The following TNFAIP8L3 variants were observed in gnomAD, a reference collection of about 807,000 sequenced individuals.
TNFAIP8L3 encodes TNF alpha induced protein 8 like 3, also known as tumor necrosis factor alpha-induced protein 8-like protein 3.
A neutral mutation model predicts 11.8 loss-of-function variants in TNFAIP8L3; 7 were observed. That is an observed-to-expected ratio of 0.59 (90% CI 0.34 to 1.11). TNFAIP8L3 has a LOEUF of 1.11. Ranked by LOEUF, TNFAIP8L3 falls within the 50% of genes most tolerant of loss-of-function variation. The pLI is 0.03. For synonymous variants in TNFAIP8L3, 98 were observed against 103.8 expected (o/e 0.94, Z 0.34); for missense variants, 219 against 258.6 (o/e 0.85, Z 1.05).
chr15:51,069,004 T>G (rs1333931662), intron 1 of TNFAIP8L3, among the ~76,000 whole-genome samples: 1 of 151,954 alleles, frequency 6.6e-6, no homozygotes, highest in Non-Finnish European at 1.5e-5. Flanking sequence ...TATTTAAAAA[T>G]TAGGGTAGGG....
intron 1 of TNFAIP8L3, among the ~76,000 whole-genome samples, chr15:51,068,499 C>T (rs1567288403): frequency 6.6e-6 from 1 of 152,092 alleles, no homozygotes; most frequent in Admixed American, 6.6e-5. Flanking sequence ...ATAATTAGCC[C>T]ACTAGAGATC....
At chr15:51,071,032 CAG>C in intron 1 of TNFAIP8L3, among the ~76,000 whole-genome samples, 1 of 103,134 alleles carries the variant, frequency 9.7e-6, no homozygotes, top group Non-Finnish European at 1.7e-5. Context: ...GCCTGGGCGA[CAG>C]AGCGAGACTC....
In TNFAIP8L3 at chr15:51,102,363, C is replaced by G. The variant is rs117198050; in HGVS notation, c.172+2642G>C. On this transcript the variant is annotated intron_variant, in intron 1 of 2. Transcript: ENST00000327536. ...AAATTTGTTTTTTTCTTTTAATTCT[C>G]TCATGTTTATGTGACAACCCAGTTC... 4.2e-3 allele frequency among the ~76,000 whole-genome samples: 634 copies of G among 152,244 alleles called. 3 individuals carry two copies. Among genetic ancestry groups the G allele is most frequent in the Non-Finnish European group, 7.4e-3 (505 of 68,010 alleles).
At chr15:51,097,854 T>TC (rs1555469078), upstream of TNFAIP8L3, among the ~76,000 whole-genome samples, 6 of 151,166 alleles carry the variant, frequency 4.0e-5, no homozygotes, top group East Asian at 9.8e-4. Context: ...ATATTTCTTG[T>TC]GGGGGGGGAA....
chr15:51,101,546 G>A (rs781324773), intron 1 of TNFAIP8L3, among the ~76,000 whole-genome samples: 7 of 151,778 alleles, frequency 4.6e-5, no homozygotes, highest in African/African-American at 9.7e-5. Context: ...ATTTGAACCC[G>A]GGAGGTTGAG....
chr15:51,063,535 C>A (rs938330525), intron 1 of TNFAIP8L3, among the ~76,000 whole-genome samples: 1 of 152,050 alleles, frequency 6.6e-6, no homozygotes. Flanking sequence ...GAGTACCTAC[C>A]CATCTTGCCA....
Position 51,094,603 on chromosome 15 carries a change from G to A in TNFAIP8L3, c.-8C>T, listed in dbSNP as rs751389345. The A allele has an allele frequency of 1.4e-6, 2 of 1,480,372 alleles. No individual in the cohort carries two copies. Among genetic ancestry groups the A allele is most frequent in the Non-Finnish European group, 1.8e-6 (2 of 1,119,484 alleles). The allele number at this position is 1,480,372 out of a possible 1,614,324, so 91.7% of individuals were successfully genotyped here. A position where few individuals can be genotyped will look rare whatever the true frequency, so the allele number is the denominator to read the frequency against. On this transcript the variant is annotated 5_prime_UTR_variant, in exon 1 of 2. Transcript: ENST00000637513. This position sits in a 1 kb window ranked among gnomAD's most constrained non-coding sequence, Gnocchi z 4.4. ...CCCGGAATCCGAATCCATGCTGCGG[G>A]CTGCTGGCTGGGCGTCCACGGCCAC...
In TNFAIP8L3 at chr15:51,082,029, AC is replaced by A. The variant is rs201266567; in HGVS notation, c.52+12514del. Among the ~76,000 whole-genome samples, 226 of 152,046 alleles carry A rather than the reference AC, an allele frequency of 1.5e-3. 1 individual carries two copies. The highest frequency in any genetic ancestry group is 0.012 in the East Asian group (63 of 5,188). On this transcript the variant is annotated intron_variant, in intron 1 of 1. Coordinates refer to ENST00000637513, the MANE Select transcript of TNFAIP8L3 (RefSeq NM_001311175.2). ...GAACTTTCCTGCTTTCAACTTGAAA[AC>A]TAAGAAAGAGTGAATTTTTTTTTTT... is the stretch of plus-strand genomic sequence containing the variant.
At chr15:51,073,339 A>AT (rs748992106) in intron 1 of TNFAIP8L3, among the ~76,000 whole-genome samples, 47 of 152,304 alleles carry the variant, frequency 3.1e-4, no homozygotes, top group Admixed American at 7.8e-4. Context: ...CTCCATTAAC[A>AT]TGACATGTCT....
intron 1 of TNFAIP8L3, chr15:51,104,904 A>G: frequency 2.8e-6 from 4 of 1,430,548 alleles, no homozygotes; most frequent in Non-Finnish European, 3.9e-6. Flanking sequence ...CCCTCTTCAG[A>G]TGCCAGCTCT....
chr15:51,077,935 G>A, intron 1 of TNFAIP8L3, among the ~76,000 whole-genome samples: 1 of 152,272 alleles, frequency 6.6e-6, no homozygotes, highest in East Asian at 1.9e-4. Context: ...ACCTTTCAAT[G>A]TGTCTGCGGA....
At chr15:51,060,267 C>T (rs561672100) in intron 1 of TNFAIP8L3, among the ~76,000 whole-genome samples, 1 of 152,324 alleles carries the variant, frequency 6.6e-6, no homozygotes, top group East Asian at 1.9e-4. Context: ...CAAATATTTA[C>T]AAGCACTAAG....
chr15:51,062,467 T>A (rs958743964), intron 1 of TNFAIP8L3, among the ~76,000 whole-genome samples: 1 of 152,106 alleles, frequency 6.6e-6, no homozygotes. Context: ...GATGAGTTTG[T>A]ATATTAGTAT....
At chr15:51,083,500 C>T (rs2065406366) in intron 1 of TNFAIP8L3, among the ~76,000 whole-genome samples, 1 of 152,212 alleles carries the variant, frequency 6.6e-6, no homozygotes, top group South Asian at 2.1e-4. Context: ...TTGCAGAGGG[C>T]ATGTGGGTCA....
intron 1 of TNFAIP8L3, among the ~76,000 whole-genome samples, chr15:51,079,933 G>A (rs374777565): frequency 2.0e-5 from 3 of 150,154 alleles, no homozygotes; most frequent in African/African-American, 4.9e-5. Flanking sequence ...ATAACATGAT[G>A]TAGCATCCCC....
chr15:51,074,518 C>T (rs12442459), intron 1 of TNFAIP8L3, among the ~76,000 whole-genome samples: 28,451 of 152,222 alleles, frequency 0.19, 3,400 homozygotes, highest in East Asian at 0.44. Flanking sequence ...AACAAAGTAA[C>T]AGGAGATACT....
chr15:51,090,265 T>C (rs1362811111), intron 1 of TNFAIP8L3, among the ~76,000 whole-genome samples: 2 of 152,210 alleles, frequency 1.3e-5, no homozygotes, highest in Non-Finnish European at 1.5e-5. Flanking sequence ...ACTTCTGTTG[T>C]TGATTTCTCT....
chr15:51,087,826 A>G (rs1182630602), intron 1 of TNFAIP8L3, among the ~76,000 whole-genome samples: 1 of 151,140 alleles, frequency 6.6e-6, no homozygotes, highest in Non-Finnish European at 1.5e-5. Flanking sequence ...GAACGTGAAG[A>G]TTGTTCTAAA....
chr15:51,091,049 A>C (rs1272863797), intron 1 of TNFAIP8L3, among the ~76,000 whole-genome samples: 1 of 152,220 alleles, frequency 6.6e-6, no homozygotes, highest in East Asian at 1.9e-4. Flanking sequence ...GGTTTGCCAA[A>C]GGAAAGAGTG....
Sources: gnomAD v4.1 joint callset for allele counts (sites outside exome capture counted in the v4.1 genomes callset) on GRCh38, gnomAD v4.1.1 for gene constraint, Gnocchi (gnomAD v3.1) non-coding constraint, MANE v1.5 for transcripts, NCBI Gene and HGNC (gene_info 2026-07-23, HGNC 2026-07-21) for gene names.